EZH2: variants seen among roughly 807,000 people sequenced by gnomAD.
The protein encoded by EZH2 is histone-lysine N-methyltransferase EZH2.
EZH2 carries 18 observed loss-of-function variants against 98.4 expected under a neutral mutation model. The observed-to-expected ratio is 0.18, with a 90% confidence interval of 0.13 to 0.27. The LOEUF is 0.27. Among genes scored for constraint, EZH2 ranks in the 10% least tolerant of loss-of-function variants. The pLI is 1.00. For missense variants in EZH2, 470 were observed against 935.1 expected, an observed-to-expected ratio of 0.50 and a Z score of 6.49; for synonymous variants, 338 against 312.3, an observed-to-expected ratio of 1.08 and a Z score of -0.87.
Position 148,848,859 on chromosome 7 carries a change from G to C in EZH2, c.-7-1554C>G, listed in dbSNP as rs529319729. On this transcript the variant is annotated intron_variant, in intron 1 of 19. Coordinates refer to ENST00000320356, the MANE Select transcript of EZH2 (RefSeq NM_004456.5). ...CCCTCGGATACCAAAATCCACAGAT[G>C]CTCAAAAGTCCGTGATATAAAGTGG... Among the ~76,000 whole-genome samples, 5 of 152,126 alleles carry C rather than the reference G, an allele frequency of 3.3e-5. No homozygotes were observed. In the East Asian group the frequency reaches 7.7e-4, roughly 24 times the overall value.
chr7:148,841,905 T>C (rs1026306625), intron 3 of EZH2, among the ~76,000 whole-genome samples: 2 of 152,150 alleles, frequency 1.3e-5, no homozygotes, highest in Non-Finnish European at 2.9e-5. Flanking sequence ...CCCAAAAAAA[T>C]CTGCTAATAT....
chr7:148,842,578 A>G (rs912330647), intron 3 of EZH2, among the ~76,000 whole-genome samples: 2 of 152,248 alleles, frequency 1.3e-5, no homozygotes, highest in African/African-American at 4.8e-5. Flanking sequence ...GACAGTGTGA[A>G]GCTGGATGCT....
chr7:148,872,118 G>A (rs1423606891), intron 1 of EZH2, among the ~76,000 whole-genome samples: 4 of 152,150 alleles, frequency 2.6e-5, no homozygotes, highest in African/African-American at 9.7e-5. Context: ...TTAAAATGCA[G>A]TCTATACATA....
At chr7:148,819,748 T>A in intron 8 of EZH2, 61 bp from the exon 9 acceptor site, 1 of 1,447,500 alleles carries the variant, frequency 6.9e-7, no homozygotes. Flanking sequence ...TTTTCACTCT[T>A]CCAGTTCCAC....
rs1264982100 is a variant in EZH2 at position 148,867,385 on chromosome 7, C to T, written c.-8+16779G>A. Among the ~76,000 whole-genome samples the T allele has an allele frequency of 2.6e-5, 4 of 151,898 alleles. No homozygotes were observed. The South Asian group carries it at 8.3e-4, about 32-fold the overall frequency. ...CCCAGTCTCAGATATTCCGTTATAC[C>T]AGCACAAAACAGATGAAGACAATTT... On this transcript the variant is annotated intron_variant, in intron 1 of 19. Coordinates refer to ENST00000320356, the MANE Select transcript of EZH2 (RefSeq NM_004456.5).
Position 148,884,281 on chromosome 7 carries a change from G to T in EZH2, c.-125C>A, listed in dbSNP as rs1278594653. On this transcript the variant is annotated 5_prime_UTR_variant, in exon 1 of 20. Transcript: ENST00000320356. ...ACCGGGTGTCGGACGCGACCGGACC[G>T]AGCGCCAAACGCGGCAGCCCAATCG... is the stretch of plus-strand genomic sequence containing the variant. 3 of 184,650 alleles carry T rather than the reference G, an allele frequency of 1.6e-5. No individual in the cohort carries two copies. The South Asian group carries it at 5.1e-4, about 31-fold the overall frequency. 11.4% of individuals were successfully genotyped at this position (184,650 alleles called of 1,614,324 possible).
At chr7:148,833,274 C>G (rs181956593) in intron 3 of EZH2, among the ~76,000 whole-genome samples, 1 of 151,672 alleles carries the variant, frequency 6.6e-6, no homozygotes, top group East Asian at 1.9e-4. Context: ...CTGGCTAACA[C>G]GGTGAAACCC....
rs886990256 is a variant in EZH2, at chr7:148,807,691, A to T, written c.2211T>A (p.Asp737Glu). The T allele has an allele frequency of 6.3e-7, 1 of 1,595,504 alleles. No individual in the cohort carries two copies. The highest frequency in any genetic ancestry group is 1.3e-5 in the African/African-American group (1 of 74,634). ...TTTCGATGCCGACATACTTCAGGGC[A>T]TCAGCCTGGCTGTATCTGAAACAAC... ...LFFDYRYSQA[D>E]ALKYVGIERE... The change falls in exon 20 of 20, where the codon GAT becomes GAA. Residue 737 changes from aspartate to glutamate, a missense_variant. Physicochemically the swap from Asp to Glu is conservative, Grantham distance 45. This residue lies in a region of EZH2 where 106 missense variants were observed against 327.2 expected (regional missense o/e 0.32). Coordinates refer to ENST00000320356, the MANE Select transcript of EZH2 (RefSeq NM_004456.5).
chr7:148,875,279 C>T (rs1371110116), intron 1 of EZH2, among the ~76,000 whole-genome samples: 5 of 152,086 alleles, frequency 3.3e-5, no homozygotes, highest in Non-Finnish European at 7.4e-5. Flanking sequence ...ATTATGCTTC[C>T]CATATTAAAG....
At chr7:148,834,329 A>G (rs1563259709) in intron 3 of EZH2, among the ~76,000 whole-genome samples, 1 of 139,098 alleles carries the variant, frequency 7.2e-6, no homozygotes, top group East Asian at 2.0e-4. Context: ...AATGAAACTG[A>G]AAAATCATTA....
intron 14 of EZH2, among the ~76,000 whole-genome samples, chr7:148,814,671 A>G (rs1804070894): frequency 6.6e-6 from 1 of 152,228 alleles, no homozygotes; most frequent in Admixed American, 6.5e-5. Flanking sequence ...GAAGAAAAAA[A>G]TAAAATTCAG....
chr7:148,852,924 G>A lies in EZH2; in HGVS notation c.-7-5619C>T, dbSNP rs769765444. On this transcript the variant is annotated intron_variant, in intron 1 of 19. Transcript: ENST00000320356. ...ACCCCCAACAGATACCAAAATCCAC[G>A]AAGACTCAAGTCCCTGATATAAAAT... Among the ~76,000 whole-genome samples the A allele has an allele frequency of 2.0e-5, 3 of 152,058 alleles. No individual in the cohort carries two copies. The East Asian group carries it at 5.8e-4, about 29-fold the overall frequency.
intron 1 of EZH2, among the ~76,000 whole-genome samples, chr7:148,853,497 G>C (rs763801215): frequency 2.0e-5 from 3 of 152,180 alleles, no homozygotes; most frequent in Admixed American, 6.5e-5. Context: ...ACGCTTCCGT[G>C]AGAATCTAAT....
intron 8 of EZH2, 121 bp from the exon 9 acceptor site, chr7:148,819,808 T>G (rs1719254764): frequency 3.8e-6 from 3 of 792,850 alleles, no homozygotes; most frequent in Admixed American, 2.6e-5. Flanking sequence ...TGGTTTACGT[T>G]ACTTCATACA....
At chr7:148,828,376 A>AC (rs1312359952) in intron 6 of EZH2, among the ~76,000 whole-genome samples, 1 of 152,082 alleles carries the variant, frequency 6.6e-6, no homozygotes, top group African/African-American at 2.4e-5. Flanking sequence ...TCACTCTGTC[A>AC]CCCAGCCAGA....
intron 3 of EZH2, among the ~76,000 whole-genome samples, chr7:148,845,283 G>T (rs894096403): frequency 5.9e-5 from 9 of 152,098 alleles, no homozygotes; most frequent in Admixed American, 5.9e-4. Flanking sequence ...TTCCCTTTAA[G>T]AACGTTCTGA....
chr7:148,814,863 C>T, intron 14 of EZH2, 51 bp downstream of exon 14: 1 of 1,577,658 alleles, frequency 6.3e-7, no homozygotes, highest in East Asian at 2.3e-5. Context: ...AATTGCTAAC[C>T]AAAGACCTAT....
At chr7:148,820,874 T>C (rs1805864636) in intron 8 of EZH2, 1 of 152,204 alleles carries the variant, frequency 6.6e-6, no homozygotes, top group African/African-American at 2.4e-5. Context: ...ATAAACTTCA[T>C]ACAAATAAAT....
intron 12 of EZH2, among the ~76,000 whole-genome samples, 182 bp from the exon 13 acceptor site, chr7:148,815,728 G>A (rs1804373120): frequency 6.6e-6 from 1 of 152,166 alleles, no homozygotes; most frequent in African/African-American, 2.4e-5. Context: ...GATGGCTCAG[G>A]CTGCCCCAGG....
Sources: allele counts gnomAD v4.1 joint callset (sites outside exome capture counted in the v4.1 genomes callset), GRCh38; gene constraint gnomAD v4.1.1; regional missense constraint gnomAD v4.1.1; transcripts MANE v1.5; gene names NCBI Gene and HGNC (gene_info 2026-07-23, HGNC 2026-07-21).